The following KMT2B variants were observed in gnomAD, a reference collection of about 807,000 sequenced individuals.
KMT2B encodes histone-lysine N-methyltransferase 2B.
KMT2B carries 22 observed loss-of-function variants against 255.3 expected under a neutral mutation model. The ratio of observed to expected loss-of-function variants is 0.09; its 90% CI spans 0.06 to 0.12. KMT2B has a LOEUF of 0.12. Among genes scored for constraint, KMT2B ranks in the 10% least tolerant of loss-of-function variants. The pLI is 1.00. For synonymous variants in KMT2B, 1,730 were observed against 1,498.1 expected (o/e 1.15, Z -3.57); for missense variants, 3,149 against 3,737.0 (o/e 0.84, Z 4.10).
At chr19:35,730,179 C>G (rs1170462212) in intron 23 of KMT2B, 54 bp downstream of exon 23, 8 of 1,609,138 alleles carry the variant, frequency 5.0e-6, no homozygotes, top group Non-Finnish European at 6.8e-6. Context: ...TTCCTGTTCA[C>G]TTAGGGACCC....
chr19:35,738,176 G>A lies in KMT2B; in HGVS notation c.7857G>A (p.Lys2619=). 2 of 1,613,874 alleles carry A rather than the reference G, an allele frequency of 1.2e-6. No homozygotes were observed. The highest frequency in any genetic ancestry group is 2.2e-5 in the East Asian group (1 of 44,862). The change falls in exon 36 of 37, where the codon AAG becomes AAA. Residue 2619 remains lysine, a synonymous_variant. Transcript: ENST00000420124. This position sits in a 1 kb window ranked among gnomAD's most constrained non-coding sequence, Gnocchi z 8.7. The part of the protein sequence containing the change: ...IRSVLTDKRE[K]FYDGKGIGCY... ...CGGTGTTGACTGACAAGCGGGAGAAGTTCTACGATGGGAAGGTGGGCTCCC... is the reference window on the plus strand; with the variant it reads ...CGGTGTTGACTGACAAGCGGGAGAAATTCTACGATGGGAAGGTGGGCTCCC...
rs753905277 is a variant in KMT2B at position 35,725,441 on chromosome 19, T to C, written c.3643-38T>C. 43 of 1,605,680 alleles carry C rather than the reference T, an allele frequency of 2.7e-5. 1 individual carries two copies. The South Asian group carries it at 4.4e-4, about 16-fold the overall frequency. On this transcript the variant is annotated intron_variant, in intron 11 of 36. Coordinates refer to ENST00000420124, the MANE Select transcript of KMT2B (RefSeq NM_014727.3). This position sits in a 1 kb window ranked among gnomAD's most constrained non-coding sequence, Gnocchi z 4.1. The stretch of plus-strand genomic sequence containing the variant: ...CTCATCCCTTGGCCCTCTGGCCTCA[T>C]GCTATGCCCATCATTCACTCCTTTA...
At chr19:35,730,172 C>G (rs772360811) in intron 23 of KMT2B, 47 bp downstream of exon 23, 1 of 1,610,844 alleles carries the variant, frequency 6.2e-7, no homozygotes, top group East Asian at 2.2e-5. Flanking sequence ...ACCTCTCTTC[C>G]TGTTCACTTA....
At position 35,718,334 on chromosome 19, in the gene KMT2B, G is replaced by A; in HGVS notation, c.316G>A (p.Gly106Ser). 14 of 1,257,058 alleles carry A rather than the reference G, an allele frequency of 1.1e-5. No individual in the cohort carries two copies. The highest frequency in any genetic ancestry group is 1.2e-5 in the Non-Finnish European group (12 of 994,154). 77.9% of individuals were successfully genotyped at this position (1,257,058 alleles called of 1,614,324 possible). The change falls in exon 1 of 37, where the codon GGC (glycine) becomes AGC (serine). Residue 106 changes from glycine to serine, a missense_variant. Gly to Ser is a moderately conservative substitution (Grantham distance 56). Around this residue, in one of 18 missense-constraint regions of KMT2B, gnomAD observed 1,188 missense variants for 1,106.4 expected, o/e 1.07. Coordinates refer to ENST00000420124, the MANE Select transcript of KMT2B (RefSeq NM_014727.3). The surrounding 1 kb of genome is among the most constrained non-coding windows in gnomAD (Gnocchi z 5.0). ...GGGCCGGGGCTGGGGCCCGAGTCGA[G>A]GCTGCGTGCCGGAGGAGGAGAGCAG... ...GRGRGWGPSRGCVPEEESSDG... is the reference protein window; with the variant it reads ...GRGRGWGPSRSCVPEEESSDG...
At position 35,718,944 on chromosome 19, in the gene KMT2B, A is replaced by G. The variant is rs949558503; in HGVS notation, c.364-525A>G. On this transcript the variant is annotated intron_variant, in intron 1 of 36. Coordinates refer to ENST00000420124, the MANE Select transcript of KMT2B (RefSeq NM_014727.3). The surrounding 1 kb of genome is among the most constrained non-coding windows in gnomAD (Gnocchi z 5.0). ...GAGCTCAGCTCAGGATTTCTCCCCC[A>G]GCCTTTCAGAACAGGCAGGAAGGTG... 1.3e-5 allele frequency among the ~76,000 whole-genome samples: 2 copies of G among 152,152 alleles called. No individual in the cohort carries two copies. Among genetic ancestry groups the G allele is most frequent in the African/African-American group, 2.4e-5 (1 of 41,434 alleles).
intron 8 of KMT2B, 65 bp downstream of exon 8, chr19:35,724,072 G>A (rs921875675): frequency 1.4e-6 from 2 of 1,449,632 alleles, no homozygotes; most frequent in Non-Finnish European, 1.8e-6. Flanking sequence ...TGTGTAGGAG[G>A]GACAAGGCAC....
In KMT2B at chr19:35,723,393, C is replaced by T. The variant is rs1207914147; in HGVS notation, c.3003-54C>T. ...GGCATTCTTGTGGAGAGCTTCCTCTCTTCCCCCAGACCACCAGTCCCCTAC... is the reference window on the plus strand; with the variant it reads ...GGCATTCTTGTGGAGAGCTTCCTCTTTTCCCCCAGACCACCAGTCCCCTAC... On this transcript the variant is annotated intron_variant, in intron 6 of 36. Coordinates refer to ENST00000420124, the MANE Select transcript of KMT2B (RefSeq NM_014727.3). The surrounding 1 kb of genome is among the most constrained non-coding windows in gnomAD (Gnocchi z 7.5). The T allele has an allele frequency of 1.2e-5, 19 of 1,535,966 alleles. No individual in the cohort carries two copies. The highest frequency in any genetic ancestry group is 1.6e-5 in the Non-Finnish European group (18 of 1,135,444).
At chr19:35,726,726 G>A (rs1483447383) in intron 14 of KMT2B, among the ~76,000 whole-genome samples, 1 of 152,188 alleles carries the variant, frequency 6.6e-6, no homozygotes, top group Admixed American at 6.5e-5. Context: ...GCTCACGCCT[G>A]TAATCCTAAC....
chr19:35,720,238 A>T lies in KMT2B; in HGVS notation c.891A>T (p.Arg297=), dbSNP rs1349837871. The change falls in exon 3 of 37, where the codon CGA becomes CGT. Residue 297 remains arginine, a synonymous_variant. Transcript: ENST00000420124. The part of the protein sequence containing the change: ...RGGRGGRGRG[R]GGGLPFVIKF... Reference sequence around the variant, plus strand: ...GCCGTGGAGGCAGGGGCCGCGGCCGAGGTGGTGGGCTCCCCTTTGTGATCA... The same window carrying T: ...GCCGTGGAGGCAGGGGCCGCGGCCGTGGTGGTGGGCTCCCCTTTGTGATCA... 1 of 1,611,796 alleles carries T rather than the reference A, an allele frequency of 6.2e-7. No individual in the cohort carries two copies. Among genetic ancestry groups the T allele is most frequent in the Non-Finnish European group, 8.5e-7 (1 of 1,179,194 alleles).
rs201325543 is a variant in KMT2B at position 35,732,283 on chromosome 19, C to A, written c.5734C>A (p.Arg1912Ser). 3 of 1,610,648 alleles carry A rather than the reference C, an allele frequency of 1.9e-6. No homozygotes were observed. In the East Asian group the frequency reaches 6.7e-5, roughly 36 times the overall value. The stretch of plus-strand genomic sequence containing the variant: ...CCCGGACTTCCCAGCTCCCCCCAGA[C>A]GTTCCCGTCGTCCCAGCCCTTTGGC... ...GDPDFPAPPR[R>S]SRRPSPLAPR... is the part of the protein sequence containing the mutation. The change falls in exon 28 of 37, where the codon CGT becomes AGT. Residue 1912 changes from arginine (R) to serine (S), a missense_variant. By Grantham distance (110) the Arg-to-Ser change is moderately radical (BLOSUM62 -1). Coordinates refer to ENST00000420124, the MANE Select transcript of KMT2B (RefSeq NM_014727.3).
chr19:35,726,429 G>T, intron 14 of KMT2B, 76 bp downstream of exon 14: 3 of 978,234 alleles, frequency 3.1e-6, no homozygotes, highest in South Asian at 2.6e-5. Flanking sequence ...CTTTAGCACA[G>T]ACCCTCTTTT....
At position 35,725,633 on chromosome 19, in the gene KMT2B, C is replaced by T. The variant is rs1176281922; in HGVS notation, c.3789+8C>T. 6.2e-7 allele frequency: 1 copy of T among 1,611,772 alleles called. No homozygotes were observed. Among genetic ancestry groups the T allele is most frequent in the East Asian group, 2.2e-5 (1 of 44,888 alleles). ...AAAGGTCGTGGATCCAAGGTTTGGG[C>T]CCAAGGGCTGGCCAGGGTGGGTGGA... On this transcript the variant is annotated splice_region_variant and intron_variant, in intron 12 of 36. Coordinates refer to ENST00000420124, the MANE Select transcript of KMT2B (RefSeq NM_014727.3). The surrounding 1 kb of genome is among the most constrained non-coding windows in gnomAD (Gnocchi z 4.1).
chr19:35,728,072 TCTC>T, intron 18 of KMT2B, 23 bp from the exon 19 acceptor site: 1 of 1,581,108 alleles, frequency 6.3e-7, no homozygotes, highest in East Asian at 2.3e-5. Flanking sequence ...AGCTGGCTCT[TCTC>T]ATCCTGTTAA....
chr19:35,718,113 G>T lies in KMT2B; in HGVS notation c.95G>T (p.Gly32Val). The T allele has an allele frequency of 1.0e-6, 1 of 998,940 alleles. No individual in the cohort carries two copies. Among genetic ancestry groups the T allele is most frequent in the Non-Finnish European group, 1.2e-6 (1 of 840,316 alleles). 61.9% of individuals were successfully genotyped at this position (998,940 alleles called of 1,614,324 possible). ...CCGCGGGGCGCCGGCGGGGGCGGGG[G>T]CCGCGGCGGACGGGGCAACGGGGCC... ...GRPRGAGGGGGRGGRGNGAER... is the reference protein window; with the variant it reads ...GRPRGAGGGGVRGGRGNGAER... Residue 32 changes from glycine to valine, a missense_variant, in exon 1 of 37, where the codon GGC (glycine) becomes GTC (valine). Transcript: ENST00000420124. This position sits in a 1 kb window ranked among gnomAD's most constrained non-coding sequence, Gnocchi z 5.0.
Position 35,721,306 on chromosome 19 carries a change from C to G in KMT2B, c.1959C>G (p.Thr653=), listed in dbSNP as rs1485856453. 6 of 1,548,136 alleles carry G rather than the reference C, an allele frequency of 3.9e-6. No homozygotes were observed. The highest frequency in any genetic ancestry group is 2.8e-5 in the African/African-American group (2 of 72,246). Residue 653 remains threonine (T), a synonymous_variant, in exon 3 of 37, where the codon ACC becomes ACG. Transcript: ENST00000420124. ...TACTCCTTCGGGCCCCTCAGTTTAC[C>G]CCAAGCGAAGCCCACCTGAAGATCT... is the stretch of plus-strand genomic sequence containing the variant. ...RPLLLRAPQF[T]PSEAHLKIYE...
chr19:35,728,730 T>C (rs774438394), intron 19 of KMT2B, 44 bp from the exon 20 acceptor site: 2 of 1,508,882 alleles, frequency 1.3e-6, no homozygotes, highest in Admixed American at 3.4e-5. Flanking sequence ...CCCGTTCAGC[T>C]GCCCTTGTTG....
rs202092778 is a variant in KMT2B at position 35,732,030 on chromosome 19, C to T, written c.5560C>T (p.Pro1854Ser). 4.0e-5 allele frequency: 65 copies of T among 1,613,232 alleles called. No individual in the cohort carries two copies. In the African/African-American group the frequency reaches 5.9e-4, roughly 15 times the overall value. Residue 1854 changes from proline to serine, a missense_variant, in exon 27 of 37, where the codon CCT (proline) becomes TCT (serine). Pro to Ser is a moderately conservative substitution (Grantham distance 74). Around this residue, in one of 18 missense-constraint regions of KMT2B, gnomAD observed 897 missense variants for 825.3 expected, o/e 1.09. Coordinates refer to ENST00000420124, the MANE Select transcript of KMT2B (RefSeq NM_014727.3). ...PLRPDSGSAP[P>S]PAPRSFSGAR... ...GCGGCCAGATTCAGGCAGCGCCCCT[C>T]CTCCAGCCCCCCGTTCTTTTTCGGG...
intron 5 of KMT2B, 103 bp downstream of exon 5, chr19:35,722,821 A>G: frequency 6.8e-7 from 1 of 1,470,372 alleles, no homozygotes; most frequent in Non-Finnish European, 9.0e-7. Flanking sequence ...TCAGGTGCTC[A>G]GGGGTTAGGT....
At position 35,733,303 on chromosome 19, in the gene KMT2B, G is replaced by GGCCCCCCCC; in HGVS notation, c.6754_6755insGCCCCCCCC (p.Ala2252delinsGlyProProPro). ...GCCCGTGGTCGGAGTGGTCCGCCCT[G>GGCCCCCCCC]CCCCGCCCCCGCCACCCCCTCCCCT... On this transcript the variant is annotated protein_altering_variant, in exon 28 of 37. Transcript: ENST00000420124. The surrounding 1 kb of genome is among the most constrained non-coding windows in gnomAD (Gnocchi z 4.3). 7.5e-7 allele frequency: 1 copy of GGCCCCCCCC among 1,340,098 alleles called. No homozygotes were observed. Among genetic ancestry groups the GGCCCCCCCC allele is most frequent in the South Asian group, 1.3e-5 (1 of 79,534 alleles). 83.0% of individuals were successfully genotyped at this position (1,340,098 alleles called of 1,614,324 possible).
Sources: gnomAD v4.1 joint callset for allele counts (sites outside exome capture counted in the v4.1 genomes callset) on GRCh38, gnomAD v4.1.1 for gene constraint, gnomAD v4.1.1 regional missense constraint, Gnocchi (gnomAD v3.1) non-coding constraint, MANE v1.5 for transcripts, NCBI Gene and HGNC (gene_info 2026-07-23, HGNC 2026-07-21) for gene names.